WDR43: variants seen among roughly 807,000 people sequenced by gnomAD.
WDR43 encodes WD repeat-containing protein 43.
A neutral mutation model predicts 91.4 loss-of-function variants in WDR43; 13 were observed. That is an observed-to-expected ratio of 0.14 (90% CI 0.09 to 0.23). The LOEUF is 0.23. Among genes scored for constraint, WDR43 ranks in the 10% least tolerant of loss-of-function variants. The probability of loss-of-function intolerance (pLI) is 1.00; values close to 1 mark genes in which losing one functional copy is unlikely to be tolerated. For synonymous variants in WDR43, 331 were observed against 287.9 expected, an observed-to-expected ratio of 1.15 and a Z score of -1.51; for missense variants, 780 against 809.4, an observed-to-expected ratio of 0.96 and a Z score of 0.44.
intron 16 of WDR43, 91 bp downstream of exon 16, chr2:28,942,472 A>G (rs1558385230): frequency 7.3e-7 from 1 of 1,370,814 alleles, no homozygotes; most frequent in Non-Finnish European, 1.0e-6. Flanking sequence ...ACGTCAACAT[A>G]AGATCTTCCT....
intron 4 of WDR43, 197 bp from the exon 5 acceptor site, chr2:28,913,872 C>G (rs1174265255): frequency 1.4e-6 from 1 of 718,180 alleles, no homozygotes; most frequent in Non-Finnish European, 2.4e-6. Context: ...TCAGTATTTT[C>G]AGATGGATTT....
intron 1 of WDR43, among the ~76,000 whole-genome samples, chr2:28,899,202 ATTAC>A (rs746711541): frequency 4.6e-5 from 7 of 152,174 alleles, no homozygotes; most frequent in Non-Finnish European, 7.3e-5. Context: ...CTACCTTTTT[ATTAC>A]TTAATATATT....
In WDR43 at chr2:28,947,870, T is replaced by TTG. The variant is rs1420040090; in HGVS notation, c.*1092_*1093insGT. 6.8e-6 allele frequency: 1 copy of TTG among 147,316 alleles called. No individual in the cohort carries two copies. The highest frequency in any genetic ancestry group is 1.5e-5 in the Non-Finnish European group (1 of 65,836). The allele number at this position is 147,316 out of a possible 1,614,324, so 9.1% of individuals were successfully genotyped here. ...TTGCAAATTATCAGTAGTAGTTTTT[T>TTG]TTTTTTTTTTTTTTTTTTTAAAGAA... On this transcript the variant is annotated 3_prime_UTR_variant, in exon 18 of 18. Coordinates refer to ENST00000407426, the MANE Select transcript of WDR43 (RefSeq NM_015131.3).
At chr2:28,911,647 T>TC (rs1426018457) in intron 3 of WDR43, among the ~76,000 whole-genome samples, 8 of 151,222 alleles carry the variant, frequency 5.3e-5, no homozygotes, top group Non-Finnish European at 1.0e-4. Flanking sequence ...CCTTTTTTTT[T>TC]TGGAGACAGA....
At chr2:28,911,547 G>T (rs1354720568) in intron 3 of WDR43, among the ~76,000 whole-genome samples, 1 of 151,948 alleles carries the variant, frequency 6.6e-6, no homozygotes, top group Non-Finnish European at 1.5e-5. Context: ...GCCCACCTCG[G>T]CTTCCCAAAG....
At chr2:28,918,321 GGTGTGTGT>G (rs10578792) in intron 6 of WDR43, among the ~76,000 whole-genome samples, 2 of 150,590 alleles carry the variant, frequency 1.3e-5, no homozygotes, top group Non-Finnish European at 3.0e-5. Flanking sequence ...TCCTAACTAA[GGTGTGTGT>G]GTGTGTGTGT....
rs186059636 is a variant in WDR43 at position 28,939,080 on chromosome 2, A to G, written c.1620+1086A>G. ...GGTTTTTGGGAGGTGACCTGGGAGC[A>G]CTGGTGAGAGGGGTTTTTGGGAGGT... is the stretch of plus-strand genomic sequence containing the variant. On this transcript the variant is annotated intron_variant, in intron 14 of 17. Coordinates refer to ENST00000407426, the MANE Select transcript of WDR43 (RefSeq NM_015131.3). 2.6e-4 allele frequency among the ~76,000 whole-genome samples: 23 copies of G among 87,120 alleles called. 1 individual carries two copies. Among genetic ancestry groups the G allele is most frequent in the African/African-American group, 1.0e-3 (23 of 22,710 alleles). 57.2% of individuals were successfully genotyped at this position (87,120 alleles called of 152,430 possible).
At chr2:28,921,779 A>G (rs1671031322) in intron 6 of WDR43, among the ~76,000 whole-genome samples, 1 of 152,154 alleles carries the variant, frequency 6.6e-6, no homozygotes, top group African/African-American at 2.4e-5. Flanking sequence ...TGGTGCCATC[A>G]AAGCTCACTG....
chr2:28,942,517 C>A, intron 16 of WDR43, 136 bp downstream of exon 16: 1 of 890,092 alleles, frequency 1.1e-6, no homozygotes, highest in Non-Finnish European at 1.7e-6. Flanking sequence ...TAGGCAAGTC[C>A]GTGGCAAAAA....
chr2:28,925,199 T>A (rs1395083804), intron 8 of WDR43, 46 bp downstream of exon 8: 2 of 1,480,808 alleles, frequency 1.4e-6, no homozygotes, highest in Non-Finnish European at 1.8e-6. Context: ...CATCCCTGTG[T>A]CCATGGAAGA....
Position 28,917,959 on chromosome 2 carries a change from C to A in WDR43, c.813C>A (p.Val271=), listed in dbSNP as rs372637577. The change falls in exon 6 of 18, where the codon GTC becomes GTA. Residue 271 remains valine (V), a synonymous_variant. Coordinates refer to ENST00000407426, the MANE Select transcript of WDR43 (RefSeq NM_015131.3). ...CATTTACAGTTACCGATGAACCTGT[C>A]TATATTGACTTAACTTTGTCAGAAA... is the stretch of plus-strand genomic sequence containing the variant. ...VMSFTVTDEP[V]YIDLTLSENK... is the part of the protein sequence containing the mutation. 6.3e-7 allele frequency: 1 copy of A among 1,584,310 alleles called. No homozygotes were observed. Among genetic ancestry groups the A allele is most frequent in the Non-Finnish European group, 8.6e-7 (1 of 1,164,296 alleles).
chr2:28,929,059 G>C (rs762509412), intron 10 of WDR43, among the ~76,000 whole-genome samples: 1 of 152,186 alleles, frequency 6.6e-6, no homozygotes, highest in Non-Finnish European at 1.5e-5. Flanking sequence ...ACACTTAGTT[G>C]TAGTATAGCA....
In WDR43 at chr2:28,927,626, C is replaced by A; in HGVS notation, c.1231C>A (p.His411Asn). ...AGTTCTGGTGCCTGGGATTCCTGGT[C>A]ATCATGCAGCTATCAAGCCCGCTCC... Reference protein sequence around the residue: ...AKVLVPGIPGHHAAIKPAPPQ... With the variant: ...AKVLVPGIPGNHAAIKPAPPQ... Residue 411 changes from histidine to asparagine, a missense_variant, in exon 10 of 18, where the codon CAT (histidine) becomes AAT (asparagine). Physicochemically the swap from His to Asn is moderately conservative, Grantham distance 68. Transcript: ENST00000407426. 6.2e-7 allele frequency: 1 copy of A among 1,613,802 alleles called. No individual in the cohort carries two copies. The highest frequency in any genetic ancestry group is 1.1e-5 in the South Asian group (1 of 91,058).
chr2:28,933,817 T>C (rs1671291582), intron 11 of WDR43, among the ~76,000 whole-genome samples: 1 of 152,162 alleles, frequency 6.6e-6, no homozygotes, highest in Non-Finnish European at 1.5e-5. Flanking sequence ...TTGATAAAAA[T>C]GCGAAAGACA....
chr2:28,911,646 T>A (rs1168640430), intron 3 of WDR43, among the ~76,000 whole-genome samples: 1 of 151,430 alleles, frequency 6.6e-6, no homozygotes, highest in Non-Finnish European at 1.5e-5. Context: ...GCCTTTTTTT[T>A]TTGGAGACAG....
chr2:28,908,552 A>G (rs1670727781), intron 3 of WDR43, among the ~76,000 whole-genome samples: 1 of 152,148 alleles, frequency 6.6e-6, no homozygotes, highest in Admixed American at 6.5e-5. Flanking sequence ...TAATGTTCAA[A>G]GAGCCATTCA....
chr2:28,941,874 C>T (rs894135862), intron 15 of WDR43, among the ~76,000 whole-genome samples: 3 of 152,086 alleles, frequency 2.0e-5, no homozygotes, highest in Non-Finnish European at 2.9e-5. Flanking sequence ...GAATTACAGG[C>T]GTGACCCACC....
In WDR43 at chr2:28,894,778, C is replaced by G. The variant is rs780718164; in HGVS notation, c.80C>G (p.Ala27Gly). ...TGCGCCTTCTCCCCGCACAGCCAGG[C>G]CTACTTCGCTTTGGCCTCTACCGAC... ...VPCAFSPHSQAYFALASTDGH... is the reference protein window; with the variant it reads ...VPCAFSPHSQGYFALASTDGH... Residue 27 changes from alanine (A) to glycine (G), a missense_variant, in exon 1 of 18, where the codon GCC (alanine) becomes GGC (glycine). Coordinates refer to ENST00000407426, the MANE Select transcript of WDR43 (RefSeq NM_015131.3). 1.2e-6 allele frequency: 2 copies of G among 1,607,556 alleles called. No individual in the cohort carries two copies. Among genetic ancestry groups the G allele is most frequent in the Non-Finnish European group, 8.5e-7 (1 of 1,177,276 alleles).
intron 5 of WDR43, among the ~76,000 whole-genome samples, chr2:28,915,270 G>A (rs1425601967): frequency 6.6e-6 from 1 of 152,154 alleles, no homozygotes; most frequent in African/African-American, 2.4e-5. Context: ...GTAATTAAAC[G>A]GATTTGGTTT....
Sources: allele counts gnomAD v4.1 joint callset (sites outside exome capture counted in the v4.1 genomes callset), GRCh38; gene constraint gnomAD v4.1.1; transcripts MANE v1.5; gene names NCBI Gene and HGNC (gene_info 2026-07-23, HGNC 2026-07-21).